ANO3: variants seen among roughly 807,000 people sequenced by gnomAD.
ANO3 encodes anoctamin 3, also known as anoctamin-3.
ANO3 carries 99 observed loss-of-function variants against 144.8 expected under a neutral mutation model. The ratio of observed to expected loss-of-function variants is 0.68; its 90% CI spans 0.58 to 0.81. The LOEUF (loss-of-function observed/expected upper bound fraction) is 0.81. Ranked by LOEUF, ANO3 falls within the 30% of genes least tolerant of loss-of-function variation. The pLI is 0.00. For missense variants in ANO3, 905 were observed against 1,202.2 expected (o/e 0.75, Z 3.66); for synonymous variants, 414 against 392.6 (o/e 1.05, Z -0.64).
chr11:26,393,174 T>C (rs1856924953), intron 1 of ANO3, among the ~76,000 whole-genome samples: 1 of 152,148 alleles, frequency 6.6e-6, no homozygotes, highest in Non-Finnish European at 1.5e-5. Flanking sequence ...TGCTCCTAGC[T>C]GTCTTTGGCA....
chr11:26,655,635 A>T (rs1020777577), intron 24 of ANO3, among the ~76,000 whole-genome samples: 2 of 152,140 alleles, frequency 1.3e-5, no homozygotes, highest in Non-Finnish European at 2.9e-5. Flanking sequence ...TAAGCTACAC[A>T]GGGATAGGGG....
At chr11:26,515,907 A>G (rs968070821) in intron 5 of ANO3, among the ~76,000 whole-genome samples, 2 of 151,978 alleles carry the variant, frequency 1.3e-5, no homozygotes, top group South Asian at 2.1e-4. Flanking sequence ...TCCATGCTCT[A>G]TGAACCTCAG....
chr11:26,541,703 G>A (rs1002750439), intron 10 of ANO3, among the ~76,000 whole-genome samples: 3 of 152,068 alleles, frequency 2.0e-5, no homozygotes, highest in Admixed American at 1.3e-4. Flanking sequence ...TTTACTTTAA[G>A]CTAAATGGGT....
At chr11:26,230,797 CAAAAAAAAAA>C (rs1168180646) in intron 1 of ANO3, among the ~76,000 whole-genome samples, 14 of 11,306 alleles carry the variant, frequency 1.2e-3, no homozygotes, top group Non-Finnish European at 2.7e-3. Context: ...ACTCCATCTC[CAAAAAAAAAA>C]AAAAAAAAAA....
At chr11:26,504,942 G>T (rs1310364708) in intron 4 of ANO3, among the ~76,000 whole-genome samples, 3 of 148,262 alleles carry the variant, frequency 2.0e-5, no homozygotes, top group Non-Finnish European at 3.0e-5. Context: ...AACCCTGGAG[G>T]CGGAGCTTGC....
intron 3 of ANO3, among the ~76,000 whole-genome samples, chr11:26,455,526 T>G (rs1285586520): frequency 6.6e-6 from 1 of 152,050 alleles, no homozygotes; most frequent in Admixed American, 6.6e-5. Flanking sequence ...GGACGTGAAG[T>G]ACATCTTCAA....
intron 1 of ANO3, among the ~76,000 whole-genome samples, chr11:26,349,551 GT>G (rs920113137): frequency 6.6e-6 from 1 of 151,792 alleles, no homozygotes; most frequent in Non-Finnish European, 1.5e-5. Context: ...GTTTGTTTTT[GT>G]TTTTTTGTTT....
intron 6 of ANO3, among the ~76,000 whole-genome samples, chr11:26,522,229 A>AC (rs1348708574): frequency 1.4e-4 from 21 of 145,176 alleles, no homozygotes; most frequent in Non-Finnish European, 2.4e-4. Context: ...AAAAAACATT[A>AC]AGAGCAATCA....
chr11:26,632,538 A>G (rs1159338420), intron 18 of ANO3, among the ~76,000 whole-genome samples: 2 of 147,396 alleles, frequency 1.4e-5, no homozygotes, highest in Non-Finnish European at 3.0e-5. Flanking sequence ...ATTTATATAT[A>G]TATAAAATAT....
At chr11:26,446,693 G>A (rs181692158) in intron 3 of ANO3, among the ~76,000 whole-genome samples, 13 of 152,240 alleles carry the variant, frequency 8.5e-5, no homozygotes, top group African/African-American at 3.1e-4. Flanking sequence ...TAACCTCTCT[G>A]AGCTTTAGTG....
chr11:26,264,754 G>A (rs1853269393), intron 1 of ANO3, among the ~76,000 whole-genome samples: 1 of 151,954 alleles, frequency 6.6e-6, no homozygotes, highest in Non-Finnish European at 1.5e-5. Context: ...TTTTCACATG[G>A]CTATTCCTGT....
intron 1 of ANO3, among the ~76,000 whole-genome samples, chr11:26,289,031 G>A (rs11029483): frequency 0.086 from 13,142 of 152,102 alleles, 1,193 homozygotes; most frequent in African/African-American, 0.23. Context: ...CAACAACTAT[G>A]GAGTGCCTAC....
intron 24 of ANO3, among the ~76,000 whole-genome samples, chr11:26,653,555 T>A (rs1375759268): frequency 6.6e-6 from 1 of 152,104 alleles, no homozygotes; most frequent in Non-Finnish European, 1.5e-5. Flanking sequence ...TATTTCACTC[T>A]AAGAGCCAAA....
chr11:26,260,442 C>T (rs72874904), intron 1 of ANO3, among the ~76,000 whole-genome samples: 10,179 of 152,208 alleles, frequency 0.067, 463 homozygotes, highest in Non-Finnish European at 0.096. Flanking sequence ...AGTATTAGAT[C>T]ACTTGACTAC....
intron 1 of ANO3, among the ~76,000 whole-genome samples, chr11:26,248,704 C>A (rs1444324191): frequency 6.6e-6 from 1 of 152,110 alleles, no homozygotes; most frequent in Non-Finnish European, 1.5e-5. Flanking sequence ...ATTCTTTGTT[C>A]TGTGGAATAT....
intron 1 of ANO3, among the ~76,000 whole-genome samples, chr11:26,243,477 G>A (rs927652087): frequency 6.6e-6 from 1 of 151,922 alleles, no homozygotes; most frequent in African/African-American, 2.4e-5. Flanking sequence ...AAAAAAAAGA[G>A]GAATCTACAC....
At chr11:26,457,868 C>T (rs888015824) in intron 3 of ANO3, among the ~76,000 whole-genome samples, 2 of 152,066 alleles carry the variant, frequency 1.3e-5, no homozygotes, top group Non-Finnish European at 2.9e-5. Context: ...TAACTGTTAC[C>T]ACCTGTTCCA....
chr11:26,215,921 A>T (rs1483085051), intron 1 of ANO3, among the ~76,000 whole-genome samples: 1 of 151,956 alleles, frequency 6.6e-6, no homozygotes, highest in Non-Finnish European at 1.5e-5. Context: ...AGTTATCAGG[A>T]CTGTTAACCC....
intron 11 of ANO3, among the ~76,000 whole-genome samples, chr11:26,543,016 A>C (rs1244508058): frequency 1.3e-5 from 2 of 152,098 alleles, no homozygotes; most frequent in Non-Finnish European, 2.9e-5. Context: ...TATATACAGA[A>C]GCATAAGCCA....
Sources: gnomAD v4.1 joint callset for allele counts (sites outside exome capture counted in the v4.1 genomes callset) on GRCh38, gnomAD v4.1.1 for gene constraint, MANE v1.5 for transcripts, NCBI Gene and HGNC (gene_info 2026-07-23, HGNC 2026-07-21) for gene names.